DNHD1: variants seen among roughly 807,000 people sequenced by gnomAD.
DNHD1 encodes the protein dynein heavy chain domain 1.
DNHD1 carries 383 observed loss-of-function variants against 458.1 expected under a neutral mutation model. The ratio of observed to expected loss-of-function variants is 0.84; its 90% CI spans 0.77 to 0.91. The LOEUF is 0.91. Ranked by LOEUF, DNHD1 falls within the 40% of genes least tolerant of loss-of-function variation. The pLI, the probability that DNHD1 is intolerant of heterozygous loss-of-function variation, is 0.00. For synonymous variants in DNHD1, 2,203 were observed against 2,376.9 expected, an observed-to-expected ratio of 0.93 and a Z score of 2.13; for missense variants, 5,336 against 5,866.1, an observed-to-expected ratio of 0.91 and a Z score of 2.95.
chr11:6,500,512 T>G (rs1852111853), intron 3 of DNHD1, among the ~76,000 whole-genome samples: 1 of 152,234 alleles, frequency 6.6e-6, no homozygotes, highest in Non-Finnish European at 1.5e-5. Context: ...GCCATAAATT[T>G]ATGGTGGCCC....
chr11:6,546,201 G>A lies in DNHD1; in HGVS notation c.5262G>A (p.Gln1754=). The change falls in exon 21 of 43, where the codon CAG becomes CAA. Residue 1754 remains glutamine, a synonymous_variant. Coordinates refer to ENST00000254579, the MANE Select transcript of DNHD1 (RefSeq NM_144666.3). ...CTGGCTTGCTCTCTGCCCTGGGCCAGCGCCTGGGTGAACTGCACCACTTGT... is the reference window on the plus strand; with the variant it reads ...CTGGCTTGCTCTCTGCCCTGGGCCAACGCCTGGGTGAACTGCACCACTTGT... ...LPPGLLSALG[Q]RLGELHHLYA... 9 of 1,551,222 alleles carry A rather than the reference G, an allele frequency of 5.8e-6. No homozygotes were observed. Among genetic ancestry groups the A allele is most frequent in the Non-Finnish European group, 7.8e-6 (9 of 1,146,580 alleles).
rs1853278259 is a variant in DNHD1 at position 6,548,899 on chromosome 11, C to G, written c.7353C>G (p.Leu2451=). 4 of 1,551,640 alleles carry G rather than the reference C, an allele frequency of 2.6e-6. No individual in the cohort carries two copies. Among genetic ancestry groups the G allele is most frequent in the Non-Finnish European group, 3.5e-6 (4 of 1,147,014 alleles). Residue 2451 remains leucine, a synonymous_variant, in exon 24 of 43, where the codon CTC becomes CTG. Coordinates refer to ENST00000254579, the MANE Select transcript of DNHD1 (RefSeq NM_144666.3). The surrounding 1 kb of genome is among the most constrained non-coding windows in gnomAD (Gnocchi z 4.4). The part of the protein sequence containing the change: ...GHHQDSKPSL[L]FLLEDLHLAT... ...ACCAGGATTCTAAACCCTCCCTCCTCTTCTTGCTGGAGGACCTGCACCTAG... is the reference window on the plus strand; with the variant it reads ...ACCAGGATTCTAAACCCTCCCTCCTGTTCTTGCTGGAGGACCTGCACCTAG...
rs1564825659 is a variant in DNHD1 at position 6,570,040 on chromosome 11, A to G, written c.12895A>G (p.Thr4299Ala). Reference sequence around the variant, plus strand: ...AGTGACTCTAACCCAGGTTCTTCAGACCCAAGACCAGCTGTGGGCAAGTCT... The same window carrying G: ...AGTGACTCTAACCCAGGTTCTTCAGGCCCAAGACCAGCTGTGGGCAAGTCT... ...SQVTLTQVLQ[T>A]QDQLWASLSN... is the part of the protein sequence containing the mutation. The change falls in exon 40 of 43, where the codon ACC becomes GCC. Residue 4299 changes from threonine (T) to alanine (A), a missense_variant. By Grantham distance (58) the Thr-to-Ala change is moderately conservative. This residue lies in a region of DNHD1 where 698 missense variants were observed against 664.9 expected (regional missense o/e 1.05). Coordinates refer to ENST00000254579, the MANE Select transcript of DNHD1 (RefSeq NM_144666.3). 1.2e-6 allele frequency: 2 copies of G among 1,613,782 alleles called. No homozygotes were observed. Among genetic ancestry groups the G allele is most frequent in the South Asian group, 2.2e-5 (2 of 91,068 alleles).
intron 18 of DNHD1, among the ~76,000 whole-genome samples, chr11:6,542,424 C>T (rs1260499643): frequency 6.6e-6 from 1 of 152,250 alleles, no homozygotes; most frequent in African/African-American, 2.4e-5. Context: ...CAGATACCAG[C>T]CTGGGTCCTA....
Position 6,571,765 on chromosome 11 carries a change from C to T in DNHD1, c.14041C>T (p.Leu4681=). Residue 4681 remains leucine (L), a synonymous_variant, in exon 43 of 43, where the codon CTG becomes TTG. Coordinates refer to ENST00000254579, the MANE Select transcript of DNHD1 (RefSeq NM_144666.3). The surrounding 1 kb of genome is among the most constrained non-coding windows in gnomAD (Gnocchi z 5.0). ...CAGTCCTTCCAGCCAACCCAGCCCTCTGCCTCCCGTCAGCATCAGCACACA... is the reference window on the plus strand; with the variant it reads ...CAGTCCTTCCAGCCAACCCAGCCCTTTGCCTCCCGTCAGCATCAGCACACA... The part of the protein sequence containing the change: ...QDSPSSQPSP[L]PPVSISTQAP... 1 of 1,613,878 alleles carries T rather than the reference C, an allele frequency of 6.2e-7. No individual in the cohort carries two copies. The highest frequency in any genetic ancestry group is 8.5e-7 in the Non-Finnish European group (1 of 1,179,820).
intron 7 of DNHD1, among the ~76,000 whole-genome samples, chr11:6,513,401 G>C (rs1262926942): frequency 6.6e-6 from 1 of 152,096 alleles, no homozygotes; most frequent in African/African-American, 2.4e-5. Flanking sequence ...CCAGTACTCT[G>C]ACCTGTGTCA....
At position 6,558,563 on chromosome 11, in the gene DNHD1, C is replaced by G. The variant is rs756304388; in HGVS notation, c.9081C>G (p.Ser3027=). 2.6e-6 allele frequency: 4 copies of G among 1,551,648 alleles called. No individual in the cohort carries two copies. The highest frequency in any genetic ancestry group is 3.5e-6 in the Non-Finnish European group (4 of 1,147,000). ...AACAGGCCCACAAGCAGCTGCCCTC[C>G]ACCCTTTTCCTGAGGCTCCTTCAAC... ...GDKQAHKQLP[S]TLFLRLLQLA... Residue 3027 remains serine, a synonymous_variant, in exon 26 of 43, where the codon TCC becomes TCG. Coordinates refer to ENST00000254579, the MANE Select transcript of DNHD1 (RefSeq NM_144666.3).
intron 28 of DNHD1, among the ~76,000 whole-genome samples, chr11:6,560,490 A>G (rs949732032): frequency 5.9e-5 from 9 of 152,244 alleles, no homozygotes; most frequent in Non-Finnish European, 1.3e-4. Flanking sequence ...AAAGAAAGTC[A>G]GAGAGCAACA....
chr11:6,528,842 G>A (rs576457303), intron 11 of DNHD1, 36 bp from the exon 12 acceptor site: 28 of 1,550,048 alleles, frequency 1.8e-5, no homozygotes, highest in African/African-American at 4.1e-5. Context: ...CATTATAGCC[G>A]CATGCCTCTG....
intron 7 of DNHD1, among the ~76,000 whole-genome samples, chr11:6,516,351 T>C (rs1358765624): frequency 6.6e-6 from 1 of 150,704 alleles, no homozygotes; most frequent in Admixed American, 6.6e-5. Flanking sequence ...TGGAGTGTAG[T>C]GGCGCAATCT....
intron 3 of DNHD1, 134 bp downstream of exon 3, chr11:6,499,095 C>CT: frequency 3.0e-6 from 3 of 1,003,068 alleles, no homozygotes; most frequent in Non-Finnish European, 4.2e-6. Flanking sequence ...CCACACAAAG[C>CT]TAGTGTGAGG....
In DNHD1 at chr11:6,533,731, C is replaced by T. The variant is rs1028510333; in HGVS notation, c.2556C>T (p.Tyr852=). The T allele has an allele frequency of 2.2e-5, 34 of 1,551,416 alleles. No homozygotes were observed. Among genetic ancestry groups the T allele is most frequent in the African/African-American group, 2.7e-5 (2 of 73,106 alleles). Residue 852 remains tyrosine (Y), a synonymous_variant, in exon 14 of 43, where the codon TAC becomes TAT. Coordinates refer to ENST00000254579, the MANE Select transcript of DNHD1 (RefSeq NM_144666.3). ...TCGAGCTGGAGGAGCGAATGGAATA[C>T]GTACGGGCACTCCACGAACTCATCC... The part of the protein sequence containing the change: ...QYVELEERME[Y]VRALHELIRN...
intron 12 of DNHD1, among the ~76,000 whole-genome samples, chr11:6,529,901 C>A (rs897516547): frequency 2.6e-5 from 4 of 152,166 alleles, no homozygotes; most frequent in African/African-American, 9.7e-5. Context: ...CATAGCTGAT[C>A]CTTGGGGTTT....
rs1266779634 is a variant in DNHD1, at chr11:6,571,843, T to G, written c.14119T>G (p.Cys4707Gly). The stretch of plus-strand genomic sequence containing the variant: ...CCCAGCCGACCTGACTGTGTACTCG[T>G]GTCCTGTGTACATGGGAGGGCCCCT... Reference protein sequence around the residue: ...PAPADLTVYSCPVYMGGPLGT... With the variant: ...PAPADLTVYSGPVYMGGPLGT... The change falls in exon 43 of 43, where the codon TGT (cysteine) becomes GGT (glycine). Residue 4707 changes from cysteine (C) to glycine (G), a missense_variant. Physicochemically the swap from Cys to Gly is radical, Grantham distance 159. Transcript: ENST00000254579. This position sits in a 1 kb window ranked among gnomAD's most constrained non-coding sequence, Gnocchi z 5.0. The G allele has an allele frequency of 1.9e-6, 3 of 1,613,938 alleles. No individual in the cohort carries two copies. Among genetic ancestry groups the G allele is most frequent in the Non-Finnish European group, 2.5e-6 (3 of 1,179,816 alleles).
intron 14 of DNHD1, among the ~76,000 whole-genome samples, chr11:6,535,908 TA>T (rs58778308): frequency 3.3e-5 from 5 of 150,618 alleles, no homozygotes; most frequent in African/African-American, 7.3e-5. Flanking sequence ...TTATTTGTTG[TA>T]AAAAAAAAGA....
chr11:6,520,754 A>C, intron 10 of DNHD1: 1 of 1,002,882 alleles, frequency 1.0e-6, no homozygotes, highest in Middle Eastern at 5.1e-4. Context: ...ACCAATTATT[A>C]TTGGTTATCA....
At chr11:6,501,975 G>T (rs1039553858) in intron 3 of DNHD1, among the ~76,000 whole-genome samples, 2 of 152,192 alleles carry the variant, frequency 1.3e-5, no homozygotes, top group African/African-American at 4.8e-5. Context: ...AACTTGTGTT[G>T]ATCTAAGTTT....
intron 10 of DNHD1, among the ~76,000 whole-genome samples, chr11:6,523,702 T>TA (rs1341581482): frequency 6.6e-6 from 1 of 152,188 alleles, no homozygotes; most frequent in African/African-American, 2.4e-5. Context: ...AATTTCTTCT[T>TA]ATGGCCAGGC....
In DNHD1 at chr11:6,567,502, C is replaced by A; in HGVS notation, c.11993C>A (p.Pro3998Gln). 1 of 1,613,706 alleles carries A rather than the reference C, an allele frequency of 6.2e-7. No homozygotes were observed. Among genetic ancestry groups the A allele is most frequent in the Non-Finnish European group, 8.5e-7 (1 of 1,179,746 alleles). The change falls in exon 36 of 43, where the codon CCA becomes CAA. Residue 3998 changes from proline (P) to glutamine (Q), a missense_variant. Pro to Gln is a moderately conservative substitution (Grantham distance 76). Coordinates refer to ENST00000254579, the MANE Select transcript of DNHD1 (RefSeq NM_144666.3). ...TGTGAGATGTTAGAGCTGCTGCCCCCATTTGTTGGCCTGTGTGCCTCCCTG... is the reference window on the plus strand; with the variant it reads ...TGTGAGATGTTAGAGCTGCTGCCCCAATTTGTTGGCCTGTGTGCCTCCCTG... ...HECEMLELLP[P>Q]FVGLCASLAG...
Sources: gnomAD v4.1 joint callset for allele counts (sites outside exome capture counted in the v4.1 genomes callset) on GRCh38, gnomAD v4.1.1 for gene constraint, gnomAD v4.1.1 regional missense constraint, Gnocchi (gnomAD v3.1) non-coding constraint, MANE v1.5 for transcripts, NCBI Gene and HGNC (gene_info 2026-07-23, HGNC 2026-07-21) for gene names.